Variants in ARHGAP22 observed in about 807,000 individuals in gnomAD.
ARHGAP22 encodes Rho GTPase activating protein 22.
ARHGAP22 carries 48 observed loss-of-function variants against 59.1 expected under a neutral mutation model. That is an observed-to-expected ratio of 0.81 (90% CI 0.64 to 1.03). The LOEUF (loss-of-function observed/expected upper bound fraction) is 1.03. Ranked by LOEUF, ARHGAP22 falls within the 50% of genes least tolerant of loss-of-function variation. The probability of loss-of-function intolerance (pLI) is 0.00; values close to 1 mark genes in which losing one functional copy is unlikely to be tolerated. For synonymous variants in ARHGAP22, 445 were observed against 416.4 expected, an observed-to-expected ratio of 1.07 and a Z score of -0.84; for missense variants, 1,015 against 958.7, an observed-to-expected ratio of 1.06 and a Z score of -0.78.
At chr10:48,563,582 T>C (rs2057851731) in intron 2 of ARHGAP22, among the ~76,000 whole-genome samples, 1 of 152,210 alleles carries the variant, frequency 6.6e-6, no homozygotes, top group Non-Finnish European at 1.5e-5. Flanking sequence ...CATAACATAT[T>C]CACATGTTCC....
At chr10:48,647,113 G>T (rs750762127) in intron 1 of ARHGAP22, among the ~76,000 whole-genome samples, 1 of 152,158 alleles carries the variant, frequency 6.6e-6, no homozygotes, top group African/African-American at 2.4e-5. Context: ...ATACAAACAG[G>T]CTGGGCTTGG....
At chr10:48,581,675 A>C (rs1486458424) in intron 2 of ARHGAP22, among the ~76,000 whole-genome samples, 1 of 152,254 alleles carries the variant, frequency 6.6e-6, no homozygotes, top group Non-Finnish European at 1.5e-5. Context: ...TGTAACACAA[A>C]GTCTACTATT....
chr10:48,655,009 TC>T (rs2062728665), upstream of ARHGAP22, among the ~76,000 whole-genome samples: 1 of 58,786 alleles, frequency 1.7e-5, no homozygotes, highest in Non-Finnish European at 3.5e-5. Context: ...TCTTTCTTTC[TC>T]TTTCTTTCTT....
At chr10:48,654,351 C>G (rs1298676229), upstream of ARHGAP22, among the ~76,000 whole-genome samples, 1 of 152,244 alleles carries the variant, frequency 6.6e-6, no homozygotes, top group Non-Finnish European at 1.5e-5. Context: ...CTTCCAGTGT[C>G]TCTCTCAGAA....
At chr10:48,600,506 G>T (rs1181509150) in intron 1 of ARHGAP22, among the ~76,000 whole-genome samples, 1 of 150,380 alleles carries the variant, frequency 6.6e-6, no homozygotes, top group African/African-American at 2.5e-5. Context: ...ATAAGAAAAT[G>T]TTAAAAATTT....
At chr10:48,645,894 AG>A (rs2062274024) in intron 1 of ARHGAP22, among the ~76,000 whole-genome samples, 1 of 152,192 alleles carries the variant, frequency 6.6e-6, no homozygotes, top group East Asian at 1.9e-4. Flanking sequence ...CAGATTGGAA[AG>A]GAAGAAGAAA....
intron 2 of ARHGAP22, among the ~76,000 whole-genome samples, chr10:48,564,385 A>G: frequency 6.6e-6 from 1 of 152,198 alleles, no homozygotes; most frequent in Non-Finnish European, 1.5e-5. Context: ...AATAATTTTA[A>G]TACAATTCCA....
At chr10:48,623,594 A>G (rs2061352620) in intron 1 of ARHGAP22, among the ~76,000 whole-genome samples, 1 of 152,220 alleles carries the variant, frequency 6.6e-6, no homozygotes, top group Non-Finnish European at 1.5e-5. Flanking sequence ...CAGGCAGTAC[A>G]TCAGGCACCC....
upstream of ARHGAP22, among the ~76,000 whole-genome samples, chr10:48,653,933 A>C (rs1001689344): frequency 5.9e-5 from 9 of 152,246 alleles, no homozygotes; most frequent in Non-Finnish European, 8.8e-5. Context: ...CCTGCTAAAA[A>C]GGTATGTATA....
chr10:48,503,032 T>C (rs1001447046), intron 3 of ARHGAP22, among the ~76,000 whole-genome samples: 3 of 152,326 alleles, frequency 2.0e-5, no homozygotes, highest in Admixed American at 6.5e-5. Context: ...CTGAGGCTGA[T>C]TGGACGAGGC....
chr10:48,637,964 A>G (rs2061890767), intron 1 of ARHGAP22, among the ~76,000 whole-genome samples: 1 of 151,934 alleles, frequency 6.6e-6, no homozygotes, highest in Admixed American at 6.6e-5. Flanking sequence ...TGTTTCTACC[A>G]CCACTTTTTG....
chr10:48,558,155 G>C (rs2166227), intron 2 of ARHGAP22, among the ~76,000 whole-genome samples: 51,006 of 151,952 alleles, frequency 0.34, 9,710 homozygotes, highest in East Asian at 0.89. Context: ...ATTGCATGTG[G>C]AGCTGAGAAG....
chr10:48,574,231 C>T (rs77448282), intron 2 of ARHGAP22, among the ~76,000 whole-genome samples: 1 of 129,994 alleles, frequency 7.7e-6, no homozygotes, highest in Non-Finnish European at 1.6e-5. Flanking sequence ...ATTTATTTTT[C>T]TCATTTATTC....
Position 48,469,913 on chromosome 10 carries a change from C to T in ARHGAP22, c.451+9723G>A, listed in dbSNP as rs1248154708. Among the ~76,000 whole-genome samples the T allele has an allele frequency of 5.3e-5, 8 of 152,212 alleles. No individual in the cohort carries two copies. The South Asian group carries it at 8.3e-4, about 16-fold the overall frequency. On this transcript the variant is annotated intron_variant, in intron 4 of 9. Transcript: ENST00000249601. ...CAGCACCCAGGCTCTGCACTCCAGC[C>T]GACTAGGTTGAAATGCCAGCTTCCC...
chr10:48,546,939 AC>A (rs929436179), intron 3 of ARHGAP22, among the ~76,000 whole-genome samples: 55 of 151,596 alleles, frequency 3.6e-4, no homozygotes, highest in Non-Finnish European at 4.4e-5. Flanking sequence ...CAATATTCTC[AC>A]CCCCAGTTTA....
intron 4 of ARHGAP22, among the ~76,000 whole-genome samples, chr10:48,466,161 C>T (rs1009079822): frequency 3.3e-5 from 5 of 152,054 alleles, no homozygotes; most frequent in African/African-American, 1.2e-4. Context: ...GCCGGTCCCA[C>T]ACCCCTTCCT....
the ARHGAP22 span, chr10:48,431,311 T>G: frequency 4.4e-6 from 6 of 1,367,652 alleles, no homozygotes; most frequent in Non-Finnish European, 6.2e-6. Context: ...ACAGTTTACT[T>G]CTTGTGTTGT....
intron 1 of ARHGAP22, among the ~76,000 whole-genome samples, chr10:48,593,421 T>A (rs1456052985): frequency 1.3e-5 from 2 of 152,240 alleles, no homozygotes; most frequent in Non-Finnish European, 2.9e-5. Context: ...CTGCAGGTAG[T>A]ACTGAACCCT....
chr10:48,592,043 G>T (rs2059791044), intron 1 of ARHGAP22, among the ~76,000 whole-genome samples: 1 of 152,156 alleles, frequency 6.6e-6, no homozygotes, highest in African/African-American at 2.4e-5. Context: ...CCGTTAGTAA[G>T]AAAATGGACA....
Sources: allele counts gnomAD v4.1 joint callset (sites outside exome capture counted in the v4.1 genomes callset), GRCh38; gene constraint gnomAD v4.1.1; transcripts MANE v1.5; gene names NCBI Gene and HGNC (gene_info 2026-07-23, HGNC 2026-07-21).